KPNA5: variants seen among roughly 807,000 people sequenced by gnomAD.
The protein encoded by KPNA5 is importin subunit alpha-6.
KPNA5 carries 46 observed loss-of-function variants against 71.3 expected under a neutral mutation model. The ratio of observed to expected loss-of-function variants is 0.65; its 90% CI spans 0.51 to 0.83. The LOEUF (loss-of-function observed/expected upper bound fraction) is 0.83, where lower values mean the gene tolerates loss of function less well. KPNA5 is among the 40% of genes least tolerant of loss of function. KPNA5 has a pLI of 0.00. For synonymous variants in KPNA5, 207 were observed against 201.4 expected, an observed-to-expected ratio of 1.03 and a Z score of -0.24; for missense variants, 547 against 628.3, an observed-to-expected ratio of 0.87 and a Z score of 1.38.
intron 8 of KPNA5, among the ~76,000 whole-genome samples, chr6:116,718,895 G>C (rs950810423): frequency 6.6e-6 from 1 of 151,360 alleles, no homozygotes; most frequent in African/African-American, 2.4e-5. Flanking sequence ...AGCCCCCCAA[G>C]TAGCTGGGAT....
rs746612862 is a variant in KPNA5, at chr6:116,726,479, T to TA, written c.1126-16_1126-15insA. 1 of 1,600,480 alleles carries TA rather than the reference T, an allele frequency of 6.2e-7. No homozygotes were observed. The highest frequency in any genetic ancestry group is 1.7e-5 in the Admixed American group (1 of 59,290). ...AAACAGTATTTGTACTGATTATATATTTTTCCCCCTCTCAGGCTGTTATAG... is the reference window on the plus strand; with the variant it reads ...AAACAGTATTTGTACTGATTATATATATTTTCCCCCTCTCAGGCTGTTATAG... On this transcript the variant is annotated splice_polypyrimidine_tract_variant and intron_variant, in intron 11 of 13. Transcript: ENST00000368564.
At position 116,725,785 on chromosome 6, in the gene KPNA5, T is replaced by TA. The variant is rs1250769440; in HGVS notation, c.1035dup (p.His346ThrfsTer5). On this transcript the variant is annotated frameshift_variant, in exon 11 of 14. Coordinates refer to ENST00000368564, the MANE Select transcript of KPNA5 (RefSeq NM_001366306.2). LOFTEE classifies it high-confidence loss of function. ...AATTGTTCTGCATTACCCTGTCTCT[T>TA]ACATTTATTGAGTAGCCCAAAGGAG... 3 of 1,613,072 alleles carry TA rather than the reference T, an allele frequency of 1.9e-6. No homozygotes were observed. Among genetic ancestry groups the TA allele is most frequent in the Non-Finnish European group, 2.5e-6 (3 of 1,179,496 alleles).
chr6:116,705,805 A>G (rs527552032), intron 7 of KPNA5, among the ~76,000 whole-genome samples: 6 of 152,080 alleles, frequency 3.9e-5, no homozygotes, highest in Non-Finnish European at 7.4e-5. Context: ...TAAATATTTT[A>G]CTCTTCATTT....
At chr6:116,694,635 G>A (rs1162410264) in intron 4 of KPNA5, among the ~76,000 whole-genome samples, 2 of 152,096 alleles carry the variant, frequency 1.3e-5, no homozygotes, top group African/African-American at 2.4e-5. Context: ...AGGAGATTTT[G>A]GGCTGAGACG....
chr6:116,690,503 C>T (rs201488476), intron 2 of KPNA5, among the ~76,000 whole-genome samples: 7 of 151,904 alleles, frequency 4.6e-5, no homozygotes, highest in African/African-American at 1.7e-4. Context: ...ATTAGACATG[C>T]GTGGTGGCTG....
chr6:116,699,382 A>G (rs1778148341), intron 5 of KPNA5, among the ~76,000 whole-genome samples: 1 of 152,178 alleles, frequency 6.6e-6, no homozygotes, highest in African/African-American at 2.4e-5. Context: ...TTTTCCCTAC[A>G]TTCATTGCTA....
At chr6:116,692,717 T>G (rs1467703438) in intron 4 of KPNA5, among the ~76,000 whole-genome samples, 6 of 152,152 alleles carry the variant, frequency 3.9e-5, no homozygotes, top group Non-Finnish European at 5.9e-5. Context: ...TTTTTTATTT[T>G]TATTTGTATT....
At chr6:116,704,402 A>G (rs960896634) in intron 6 of KPNA5, among the ~76,000 whole-genome samples, 43 of 152,358 alleles carry the variant, frequency 2.8e-4, no homozygotes, top group African/African-American at 1.0e-3. Flanking sequence ...AAGGTACAGT[A>G]AAGATAATGG....
intron 7 of KPNA5, among the ~76,000 whole-genome samples, chr6:116,715,552 A>G (rs1412816748): frequency 6.6e-6 from 1 of 152,206 alleles, no homozygotes; most frequent in Non-Finnish European, 1.5e-5. Context: ...TTCTCTTGTC[A>G]ATAGGTAATC....
At chr6:116,681,477 C>T in intron 1 of KPNA5, 139 bp downstream of exon 1, 1 of 1,389,988 alleles carries the variant, frequency 7.2e-7, no homozygotes, top group South Asian at 1.7e-5. Flanking sequence ...CCGGGTGTTT[C>T]TCGTGTTTTC....
chr6:116,726,061 A>AGT (rs58131077), intron 11 of KPNA5, among the ~76,000 whole-genome samples, 185 bp downstream of exon 11: 11,063 of 150,620 alleles, frequency 0.073, 484 homozygotes, highest in Non-Finnish European at 0.092. Flanking sequence ...AAGAACATCA[A>AGT]GTGTGTGTGT....
At chr6:116,689,531 A>G (rs1269264140) in intron 2 of KPNA5, 78 bp downstream of exon 2, 1 of 1,234,544 alleles carries the variant, frequency 8.1e-7, no homozygotes, top group Non-Finnish European at 1.1e-6. Context: ...TTAAATGGAA[A>G]TGTTTTAAGA....
chr6:116,692,541 G>A (rs1167067871), intron 4 of KPNA5, 149 bp downstream of exon 4: 18 of 568,632 alleles, frequency 3.2e-5, no homozygotes, highest in Admixed American at 1.1e-4. Context: ...AGTAACATCC[G>A]TTTTTGAACA....
Position 116,725,618 on chromosome 6 carries a change from C to T in KPNA5, c.1000-133C>T, listed in dbSNP as rs1779261340. 3 of 801,240 alleles carry T rather than the reference C, an allele frequency of 3.7e-6. No homozygotes were observed. The East Asian group carries it at 8.6e-5, about 23-fold the overall frequency. The allele number at this position is 801,240 out of a possible 1,614,324, so 49.6% of individuals were successfully genotyped here. On this transcript the variant is annotated intron_variant, in intron 10 of 13. Transcript: ENST00000368564. ...GACGTGTAGAAGACAGCAAGTTTTACTTTGGGAGGAATTTCTCCTTTCTTA... is the reference window on the plus strand; with the variant it reads ...GACGTGTAGAAGACAGCAAGTTTTATTTTGGGAGGAATTTCTCCTTTCTTA...
rs1041740787 is a variant in KPNA5 at position 116,739,452 on chromosome 6, C to T, written c.*7129C>T. The T allele has an allele frequency of 3.3e-5, 5 of 152,050 alleles. No homozygotes were observed. The highest frequency in any genetic ancestry group is 7.4e-5 in the Non-Finnish European group (5 of 67,996). 9.4% of individuals were successfully genotyped at this position (152,050 alleles called of 1,614,324 possible). ...GGTAATTTATAGATTCAATGCCATC[C>T]CCATCAAGCTACCAATGCCTTTCTT... On this transcript the variant is annotated 3_prime_UTR_variant, in exon 14 of 14. Transcript: ENST00000368564.
intron 7 of KPNA5, 38 bp from the exon 8 acceptor site, chr6:116,716,181 T>A (rs905871202): frequency 8.9e-6 from 13 of 1,463,730 alleles, no homozygotes; most frequent in Non-Finnish European, 1.2e-5. Flanking sequence ...GAAAAATGAA[T>A]GTAAGGTGAT....
intron 8 of KPNA5, among the ~76,000 whole-genome samples, chr6:116,720,408 T>A (rs1419008287): frequency 2.0e-5 from 3 of 151,558 alleles, no homozygotes; most frequent in African/African-American, 4.9e-5. Context: ...GTTTCTTTTT[T>A]TTTTTCCTGA....
intron 6 of KPNA5, 75 bp downstream of exon 6, chr6:116,702,225 G>A (rs1778258551): frequency 6.9e-7 from 1 of 1,448,938 alleles, no homozygotes; most frequent in Non-Finnish European, 9.4e-7. Flanking sequence ...TAATTACGAT[G>A]TGTAATTCAT....
chr6:116,706,961 G>T (rs894046612), intron 7 of KPNA5, among the ~76,000 whole-genome samples: 8 of 151,922 alleles, frequency 5.3e-5, no homozygotes, highest in Non-Finnish European at 8.8e-5. Flanking sequence ...TCAGGAGATC[G>T]AGACCATCCT....
Sources: gnomAD v4.1 joint callset for allele counts (sites outside exome capture counted in the v4.1 genomes callset) on GRCh38, gnomAD v4.1.1 for gene constraint, MANE v1.5 for transcripts, NCBI Gene and HGNC (gene_info 2026-07-23, HGNC 2026-07-21) for gene names.